ATP10D: variants seen among roughly 807,000 people sequenced by gnomAD.
ATP10D encodes ATPase phospholipid transporting 10D (putative).
A neutral mutation model predicts 144.8 loss-of-function variants in ATP10D; 89 were observed. That is an observed-to-expected ratio of 0.61 (90% CI 0.52 to 0.73). The LOEUF is 0.73. Among genes scored for constraint, ATP10D ranks in the 30% least tolerant of loss-of-function variants. The probability of loss-of-function intolerance (pLI) is 0.00; values close to 1 mark genes in which losing one functional copy is unlikely to be tolerated. For synonymous variants in ATP10D, 571 were observed against 615.1 expected (o/e 0.93, Z 1.06); for missense variants, 1,603 against 1,714.8 (o/e 0.93, Z 1.15).
chr4:47,555,683 A>C (rs1231026471), intron 11 of ATP10D, among the ~76,000 whole-genome samples: 1 of 152,172 alleles, frequency 6.6e-6, no homozygotes, highest in Non-Finnish European at 1.5e-5. Context: ...TGAGACCTCC[A>C]ACATCGTATG....
chr4:47,590,824 A>G (rs1303079333), intron 22 of ATP10D, among the ~76,000 whole-genome samples: 1 of 152,088 alleles, frequency 6.6e-6, no homozygotes, highest in African/African-American at 2.4e-5. Flanking sequence ...AAACACTTAT[A>G]TGGCAATTAC....
chr4:47,555,396 T>G (rs1378518143), intron 11 of ATP10D, among the ~76,000 whole-genome samples: 1 of 152,150 alleles, frequency 6.6e-6, no homozygotes, highest in African/African-American at 2.4e-5. Context: ...GCCAAAAAGG[T>G]TGAGGACCGC....
chr4:47,492,096 T>C (rs1003546578), intron 1 of ATP10D, among the ~76,000 whole-genome samples: 1 of 152,198 alleles, frequency 6.6e-6, no homozygotes, highest in Non-Finnish European at 1.5e-5. Context: ...TGGCATATAG[T>C]AGGAGTGCCA....
At chr4:47,548,407 G>A (rs535863483) in intron 10 of ATP10D, among the ~76,000 whole-genome samples, 9 of 151,922 alleles carry the variant, frequency 5.9e-5, no homozygotes, top group Non-Finnish European at 1.5e-5. Flanking sequence ...TTCAGCATCC[G>A]AGCTCTGTTT....
intron 9 of ATP10D, among the ~76,000 whole-genome samples, chr4:47,542,931 G>A (rs1560434826): frequency 2.0e-5 from 3 of 152,178 alleles, no homozygotes; most frequent in Admixed American, 1.3e-4. Context: ...GTTGCATGAC[G>A]ACTGATTTCC....
chr4:47,507,638 G>A (rs1483055395), intron 1 of ATP10D, among the ~76,000 whole-genome samples: 1 of 152,172 alleles, frequency 6.6e-6, no homozygotes, highest in Non-Finnish European at 1.5e-5. Flanking sequence ...AAAATTCAGT[G>A]ATCAACAGAC....
At chr4:47,521,977 A>T (rs1323843341) in intron 3 of ATP10D, among the ~76,000 whole-genome samples, 1 of 152,218 alleles carries the variant, frequency 6.6e-6, no homozygotes, top group Non-Finnish European at 1.5e-5. Flanking sequence ...AGAATTTGTT[A>T]AAGTATTTGT....
rs1721127990 is a variant in ATP10D at position 47,593,387 on chromosome 4, T to C, written c.*2006T>C. 2.0e-5 allele frequency: 3 copies of C among 152,118 alleles called. No individual in the cohort carries two copies. Among genetic ancestry groups the C allele is most frequent in the South Asian group, 2.1e-4 (1 of 4,828 alleles). The allele number at this position is 152,118 out of a possible 1,614,324, so 9.4% of individuals were successfully genotyped here. ...GCTTAATGTAATCATTCATATACTTTGCTACAAAAATATTAATATATTTCA... is the reference window on the plus strand; with the variant it reads ...GCTTAATGTAATCATTCATATACTTCGCTACAAAAATATTAATATATTTCA... On this transcript the variant is annotated 3_prime_UTR_variant, in exon 23 of 23. Transcript: ENST00000273859.
intron 6 of ATP10D, 32 bp from the exon 7 acceptor site, chr4:47,535,870 A>T (rs929349693): frequency 6.3e-7 from 1 of 1,589,836 alleles, no homozygotes; most frequent in Non-Finnish European, 8.5e-7. Context: ...TTTAATTTGT[A>T]CATTTTCTAT....
Position 47,558,404 on chromosome 4 carries a change from G to A in ATP10D, c.2434+131G>A, listed in dbSNP as rs999024042. The A allele has an allele frequency of 7.0e-6, 9 of 1,280,968 alleles. No individual in the cohort carries two copies. The African/African-American group carries it at 8.9e-5, about 13-fold the overall frequency. The allele number at this position is 1,280,968 out of a possible 1,614,324, so 79.4% of individuals were successfully genotyped here. A position where few individuals can be genotyped will look rare whatever the true frequency, so the allele number is the denominator to read the frequency against. The stretch of plus-strand genomic sequence containing the variant: ...ATCACATTTGGTGAAGTAGGGGGAA[G>A]CTGCCTAGGATTTGATGGGAAAGCA... On this transcript the variant is annotated intron_variant, in intron 12 of 22. Transcript: ENST00000273859.
intron 1 of ATP10D, among the ~76,000 whole-genome samples, chr4:47,502,344 G>A (rs1021623793): frequency 6.6e-6 from 1 of 151,938 alleles, no homozygotes; most frequent in African/African-American, 2.4e-5. Flanking sequence ...GGTGGCGGGC[G>A]CCTGTAGTTC....
At chr4:47,535,174 G>A (rs1215632676) in intron 5 of ATP10D, among the ~76,000 whole-genome samples, 2 of 152,008 alleles carry the variant, frequency 1.3e-5, no homozygotes, top group Non-Finnish European at 2.9e-5. Flanking sequence ...AAGGTGGATG[G>A]TAAGAGGAGC....
chr4:47,516,522 A>G (rs1246609550), intron 3 of ATP10D, among the ~76,000 whole-genome samples: 1 of 152,226 alleles, frequency 6.6e-6, no homozygotes, highest in Non-Finnish European at 1.5e-5. Context: ...GTATAGACAA[A>G]TATAACTTGT....
intron 5 of ATP10D, 122 bp from the exon 6 acceptor site, chr4:47,535,387 G>T: frequency 1.5e-6 from 1 of 684,334 alleles, no homozygotes; most frequent in Non-Finnish European, 2.3e-6. Context: ...CCAGAGATTT[G>T]AAAACTTTCT....
chr4:47,526,895 T>G (rs920624837), intron 5 of ATP10D, among the ~76,000 whole-genome samples: 11 of 152,138 alleles, frequency 7.2e-5, no homozygotes, highest in African/African-American at 2.7e-4. Flanking sequence ...CCCCCCAGAT[T>G]TATCTATAGA....
chr4:47,587,500 T>A (rs1720846429), intron 22 of ATP10D, among the ~76,000 whole-genome samples: 1 of 152,194 alleles, frequency 6.6e-6, no homozygotes, highest in Non-Finnish European at 1.5e-5. Flanking sequence ...CTTTTCTCTA[T>A]CTTTTTACTT....
At chr4:47,551,385 A>G (rs1344530076) in intron 10 of ATP10D, among the ~76,000 whole-genome samples, 4 of 152,352 alleles carry the variant, frequency 2.6e-5, no homozygotes, top group East Asian at 3.9e-4. Context: ...AGCTGTCTAC[A>G]TCATACTCTG....
chr4:47,580,240 C>T (rs1011844980), intron 19 of ATP10D, among the ~76,000 whole-genome samples, 158 bp from the exon 20 acceptor site: 4 of 152,186 alleles, frequency 2.6e-5, no homozygotes, highest in Non-Finnish European at 5.9e-5. Context: ...GTGAACCCAT[C>T]ACATTCAGTT....
At chr4:47,508,872 T>C (rs1446602072) in intron 1 of ATP10D, among the ~76,000 whole-genome samples, 1 of 152,250 alleles carries the variant, frequency 6.6e-6, no homozygotes, top group Non-Finnish European at 1.5e-5. Flanking sequence ...GTAGGACTAA[T>C]GGTTTGTGAC....
Sources: allele counts gnomAD v4.1 joint callset (sites outside exome capture counted in the v4.1 genomes callset), GRCh38; gene constraint gnomAD v4.1.1; transcripts MANE v1.5; gene names NCBI Gene and HGNC (gene_info 2026-07-23, HGNC 2026-07-21).